Variants in MOSPD2 observed in about 807,000 individuals in gnomAD.
MOSPD2 encodes the protein motile sperm domain containing 2, also known as motile sperm domain-containing protein 2.
In MOSPD2, 5 loss-of-function variants were observed where a neutral mutation model predicts 41.7. That is an observed-to-expected ratio of 0.12 (90% confidence interval 0.06 to 0.25). MOSPD2 has a LOEUF of 0.25. MOSPD2 is among the 10% of genes least tolerant of loss of function. The pLI is 1.00. For synonymous variants in MOSPD2, 115 were observed against 126.9 expected (o/e 0.91, Z 0.63); for missense variants, 282 against 375.2 (o/e 0.75, Z 2.05).
chrX:14,915,819 A>G, intron 12 of MOSPD2, 55 bp downstream of exon 12: 2 of 995,584 alleles, frequency 2.0e-6, no homozygotes, highest in Non-Finnish European at 2.8e-6. Flanking sequence ...GGGTAAGGGG[A>G]CCTGGACCTT....
chrX:14,919,791 C>T lies in MOSPD2; in HGVS notation c.1539C>T (p.Phe513=). The change falls in exon 15 of 15, where the codon TTC becomes TTT. Residue 513 remains phenylalanine (F), a synonymous_variant. Coordinates refer to ENST00000380492, the MANE Select transcript of MOSPD2 (RefSeq NM_152581.4). ...TGCTTGCTTTTGTCACCTCTTTCTTCTATTTATTGTACAGTTAAAGAAGTG... is the reference window on the plus strand; with the variant it reads ...TGCTTGCTTTTGTCACCTCTTTCTTTTATTTATTGTACAGTTAAAGAAGTG... ...MLLLAFVTSF[F]YLLYS 1 of 1,209,128 alleles carries T rather than the reference C, an allele frequency of 8.3e-7. No individual in the cohort carries two copies. The highest frequency in any genetic ancestry group is 1.1e-6 in the Non-Finnish European group (1 of 894,106).
Position 14,889,574 on chromosome X carries a change from T to TCTGCCTCTACTTTTCTC in MOSPD2, c.80-3140_80-3124dup, listed in dbSNP as rs1275054612. Among the ~76,000 whole-genome samples, 3 of 107,452 alleles carry TCTGCCTCTACTTTTCTC rather than the reference T, an allele frequency of 2.8e-5. No homozygotes were observed. In the East Asian group the frequency reaches 8.8e-4, roughly 32 times the overall value. The allele number at this position is 107,452 out of a possible 115,157, so 93.3% of individuals were successfully genotyped here. A position where few individuals can be genotyped will look rare whatever the true frequency, so the allele number is the denominator to read the frequency against. ...TCTGTCCCATTGTCCTCTGTCGTCT[T>TCTGCCTCTACTTTTCTC]CTGCCTCTACTTTTCTCCTGCCTCT... On this transcript the variant is annotated intron_variant, in intron 2 of 14. Coordinates refer to ENST00000380492, the MANE Select transcript of MOSPD2 (RefSeq NM_152581.4).
At chrX:14,887,157 C>G (rs1183797661) in intron 2 of MOSPD2, among the ~76,000 whole-genome samples, 5 of 111,977 alleles carry the variant, frequency 4.5e-5, no homozygotes, top group African/African-American at 1.6e-4. Context: ...CTATAATGAT[C>G]TAGAGTTATA....
In MOSPD2 at chrX:14,921,252, A is replaced by C. The variant is rs1390339690; in HGVS notation, c.*1443A>C. On this transcript the variant is annotated 3_prime_UTR_variant, in exon 15 of 15. Coordinates refer to ENST00000380492, the MANE Select transcript of MOSPD2 (RefSeq NM_152581.4). ...GGTAGTGTTGTTGGTTTTCATCTTCAAGAAGTTGATTCCAAAACTGAGTTA... is the reference window on the plus strand; with the variant it reads ...GGTAGTGTTGTTGGTTTTCATCTTCCAGAAGTTGATTCCAAAACTGAGTTA... 3.2e-6 allele frequency: 3 copies of C among 926,368 alleles called. No homozygotes were observed. The highest frequency in any genetic ancestry group is 8.6e-5 in the East Asian group (2 of 23,170). 76.3% of individuals were successfully genotyped at this position (926,368 alleles called of 1,213,427 possible). A position where few individuals can be genotyped will look rare whatever the true frequency, so the allele number is the denominator to read the frequency against.
In MOSPD2 at chrX:14,914,572, T is replaced by G; in HGVS notation, c.1062T>G (p.Asn354Lys). ...AGAAAACCTTAATAGTGTTGACAAA[T>G]GTAACTAAAAATATAGTGGCATTTA... ...GEKKTLIVLT[N>K]VTKNIVAFKV... is the part of the protein sequence containing the mutation. Residue 354 changes from asparagine (N) to lysine (K), a missense_variant, in exon 11 of 15, where the codon AAT (asparagine) becomes AAG (lysine). This residue lies in a region of MOSPD2 where 187 missense variants were observed against 256.6 expected (regional missense o/e 0.73). Transcript: ENST00000380492. 2 of 1,153,806 alleles carry G rather than the reference T, an allele frequency of 1.7e-6. No individual in the cohort carries two copies. The highest frequency in any genetic ancestry group is 2.4e-6 in the Non-Finnish European group (2 of 849,943).
intron 2 of MOSPD2, among the ~76,000 whole-genome samples, chrX:14,888,486 A>G (rs1365166331): frequency 9.0e-6 from 1 of 110,830 alleles, no homozygotes; most frequent in Non-Finnish European, 1.9e-5. Context: ...GCTTGCCACC[A>G]TCCATGTAAG....
intron 2 of MOSPD2, among the ~76,000 whole-genome samples, chrX:14,888,651 TCTATC>T (rs944526642): frequency 9.0e-6 from 1 of 111,161 alleles, no homozygotes; most frequent in African/African-American, 3.3e-5. Flanking sequence ...AATATATATA[TCTATC>T]CTATTAGTTC....
chrX:14,878,599 A>G (rs1204112262), intron 2 of MOSPD2, among the ~76,000 whole-genome samples: 12 of 111,809 alleles, frequency 1.1e-4, no homozygotes, highest in African/African-American at 3.9e-4. Flanking sequence ...TTCTATGGCT[A>G]TTAAGTTAAT....
At chrX:14,887,613 A>G (rs2092544035) in intron 2 of MOSPD2, among the ~76,000 whole-genome samples, 1 of 112,359 alleles carries the variant, frequency 8.9e-6, no homozygotes, top group Admixed American at 9.4e-5. Flanking sequence ...TCACTGGCCA[A>G]CAAATGCAAG....
intron 8 of MOSPD2, among the ~76,000 whole-genome samples, chrX:14,910,122 A>G (rs995535266): frequency 1.8e-5 from 2 of 110,082 alleles, no homozygotes; most frequent in Non-Finnish European, 3.8e-5. Context: ...TAGGACTACT[A>G]TTTTTTAACA....
rs890839015 is a variant in MOSPD2, at chrX:14,897,270, G to A, written c.477+32G>A. 6.3e-6 allele frequency: 7 copies of A among 1,117,113 alleles called. No individual in the cohort carries two copies. In the African/African-American group the frequency reaches 1.3e-4, roughly 20 times the overall value. 92.1% of individuals were successfully genotyped at this position (1,117,113 alleles called of 1,213,427 possible). A position where few individuals can be genotyped will look rare whatever the true frequency, so the allele number is the denominator to read the frequency against. ...ATTTTTTCATTCATTCCAAATCAGTGTTTATCATGGCTTCCTCCCTTTCTC... is the reference window on the plus strand; with the variant it reads ...ATTTTTTCATTCATTCCAAATCAGTATTTATCATGGCTTCCTCCCTTTCTC... On this transcript the variant is annotated intron_variant, in intron 5 of 14. Coordinates refer to ENST00000380492, the MANE Select transcript of MOSPD2 (RefSeq NM_152581.4).
chrX:14,886,085 A>C (rs1335090814), intron 2 of MOSPD2, among the ~76,000 whole-genome samples: 1 of 109,888 alleles, frequency 9.1e-6, no homozygotes, highest in Non-Finnish European at 1.9e-5. Context: ...CATCAGTCCG[A>C]CTCCTCTCAT....
intron 13 of MOSPD2, among the ~76,000 whole-genome samples, chrX:14,917,181 C>T (rs769154987): frequency 5.8e-4 from 65 of 111,891 alleles, no homozygotes; most frequent in African/African-American, 2.1e-3. Flanking sequence ...CCCATAGTGT[C>T]GAGGTGGAGA....
intron 14 of MOSPD2, 79 bp from the exon 15 acceptor site, chrX:14,919,593 C>T (rs2092605925): frequency 3.8e-6 from 3 of 780,906 alleles, no homozygotes; most frequent in African/African-American, 4.2e-5. Flanking sequence ...GTTTGGATTT[C>T]TAGTATTCCT....
rs2092606668 is a variant in MOSPD2, at chrX:14,919,929, TGCA to T, written c.*124_*126del. On this transcript the variant is annotated 3_prime_UTR_variant, in exon 15 of 15. Transcript: ENST00000380492. ...CATCTGTGCTTCCTAAAAGGAAATA[TGCA>T]GCACGTGGAGGGGAACACATACATG... 9.2e-7 allele frequency: 1 copy of T among 1,092,728 alleles called. No individual in the cohort carries two copies. The highest frequency in any genetic ancestry group is 3.2e-5 in the East Asian group (1 of 31,349). 90.1% of individuals were successfully genotyped at this position (1,092,728 alleles called of 1,213,427 possible). A position where few individuals can be genotyped will look rare whatever the true frequency, so the allele number is the denominator to read the frequency against.
intron 13 of MOSPD2, among the ~76,000 whole-genome samples, chrX:14,916,653 A>AATCTAAATC (rs894201608): frequency 9.1e-6 from 1 of 109,764 alleles, no homozygotes; most frequent in Admixed American, 9.5e-5. Flanking sequence ...GGAAAGAAAG[A>AATCTAAATC]ATCTAAATCG....
In MOSPD2 at chrX:14,921,038, T is replaced by C; in HGVS notation, c.*1229T>C. Reference sequence around the variant, plus strand: ...TAGTACCCACCCGGTATTCCTAAAATCCTAAAAAGATACACCTTGCAGTAG... The same window carrying C: ...TAGTACCCACCCGGTATTCCTAAAACCCTAAAAAGATACACCTTGCAGTAG... On this transcript the variant is annotated 3_prime_UTR_variant, in exon 15 of 15. Coordinates refer to ENST00000380492, the MANE Select transcript of MOSPD2 (RefSeq NM_152581.4). 3 of 768,000 alleles carry C rather than the reference T, an allele frequency of 3.9e-6. No individual in the cohort carries two copies. Among genetic ancestry groups the C allele is most frequent in the Non-Finnish European group, 4.6e-6 (3 of 648,593 alleles). The allele number at this position is 768,000 out of a possible 1,213,427, so 63.3% of individuals were successfully genotyped here.
At chrX:14,873,564 GC>G in intron 1 of MOSPD2, 27 bp downstream of exon 1, 1 of 1,211,513 alleles carries the variant, frequency 8.3e-7, no homozygotes, top group Non-Finnish European at 1.1e-6. Flanking sequence ...ACCGCCGCTG[GC>G]CCCCCGGACC....
chrX:14,887,572 T>G (rs2092543950), intron 2 of MOSPD2, among the ~76,000 whole-genome samples: 1 of 111,805 alleles, frequency 8.9e-6, no homozygotes, highest in South Asian at 3.7e-4. Flanking sequence ...ATTGTTAGCC[T>G]TAAAACACAG....
Sources: allele counts gnomAD v4.1 joint callset (sites outside exome capture counted in the v4.1 genomes callset), GRCh38; gene constraint gnomAD v4.1.1; regional missense constraint gnomAD v4.1.1; transcripts MANE v1.5; gene names NCBI Gene and HGNC (gene_info 2026-07-23, HGNC 2026-07-21).